DLG2: variants seen among roughly 807,000 people sequenced by gnomAD.
The protein encoded by DLG2 is discs large MAGUK scaffold protein 2, also known as disks large homolog 2.
A neutral mutation model predicts 132.5 loss-of-function variants in DLG2; 45 were observed. That is an observed-to-expected ratio of 0.34 (90% confidence interval 0.27 to 0.44). The LOEUF (loss-of-function observed/expected upper bound fraction) is 0.44, where lower values mean the gene tolerates loss of function less well. Among genes scored for constraint, DLG2 ranks in the 20% least tolerant of loss-of-function variants. DLG2 has a pLI of 1.00. For missense variants in DLG2, 1,045 were observed against 1,196.9 expected, an observed-to-expected ratio of 0.87 and a Z score of 1.87; for synonymous variants, 424 against 419.6, an observed-to-expected ratio of 1.01 and a Z score of -0.13.
intron 8 of DLG2, among the ~76,000 whole-genome samples, chr11:84,243,472 G>T (rs922618661): frequency 2.0e-5 from 3 of 152,174 alleles, no homozygotes; most frequent in African/African-American, 7.2e-5. Context: ...TATCTCAACT[G>T]CAGGCCAAAA....
chr11:85,078,760 T>G (rs535987007), intron 6 of DLG2, among the ~76,000 whole-genome samples: 1 of 152,074 alleles, frequency 6.6e-6, no homozygotes, highest in African/African-American at 2.4e-5. Flanking sequence ...TAGGTTAAGA[T>G]GAGAACTGAG....
chr11:85,410,405 T>C (rs12294860), intron 3 of DLG2, among the ~76,000 whole-genome samples: 3 of 151,758 alleles, frequency 2.0e-5, no homozygotes, highest in Non-Finnish European at 2.9e-5. Flanking sequence ...TAAGCCACTT[T>C]TGAGTAAAGT....
intron 21 of DLG2, among the ~76,000 whole-genome samples, chr11:83,531,636 C>G (rs1417384628): frequency 1.3e-5 from 2 of 151,978 alleles, no homozygotes; most frequent in Non-Finnish European, 2.9e-5. Flanking sequence ...CCAACAATCT[C>G]ACTCCTAGGC....
intron 6 of DLG2, among the ~76,000 whole-genome samples, chr11:84,639,764 T>A (rs956991363): frequency 6.6e-6 from 1 of 152,082 alleles, no homozygotes; most frequent in Admixed American, 6.6e-5. Flanking sequence ...TCATATCTGC[T>A]TTCTCAGTTC....
intron 3 of DLG2, among the ~76,000 whole-genome samples, chr11:85,371,707 T>C (rs778934500): frequency 6.6e-6 from 1 of 152,168 alleles, no homozygotes; most frequent in Non-Finnish European, 1.5e-5. Flanking sequence ...ATAACAGGGA[T>C]AGGAGCTCCA....
At chr11:84,957,874 T>C (rs185686980) in intron 6 of DLG2, among the ~76,000 whole-genome samples, 55 of 152,284 alleles carry the variant, frequency 3.6e-4, no homozygotes, top group Middle Eastern at 3.4e-3. Flanking sequence ...AAAGATACCA[T>C]ATTCATTGGT....
intron 8 of DLG2, among the ~76,000 whole-genome samples, chr11:84,241,985 G>A (rs780628555): frequency 2.6e-5 from 4 of 152,190 alleles, no homozygotes; most frequent in Non-Finnish European, 5.9e-5. Context: ...CTTTATGCTT[G>A]AGAAGCTACA....
In DLG2 at chr11:84,566,134, T is replaced by C. The variant is rs149694342; in HGVS notation, c.358-31403A>G. 9.1e-3 allele frequency among the ~76,000 whole-genome samples: 1,383 copies of C among 152,122 alleles called. 12 individuals carry two copies. The highest frequency in any genetic ancestry group is 0.015 in the Non-Finnish European group (1,024 of 67,980). On this transcript the variant is annotated intron_variant, in intron 6 of 27. Coordinates refer to ENST00000376104, the MANE Select transcript of DLG2 (RefSeq NM_001142699.3). ...CAACCACGCCCAGCTAATTTTTTTT[T>C]GTATTTTTACTAGAGATGGGGTTTC...
chr11:85,354,189 T>A (rs1446314137), intron 3 of DLG2, among the ~76,000 whole-genome samples: 1 of 152,074 alleles, frequency 6.6e-6, no homozygotes, highest in African/African-American at 2.4e-5. Flanking sequence ...CTTTCAATCT[T>A]TTAGTATCAT....
intron 6 of DLG2, among the ~76,000 whole-genome samples, chr11:84,786,032 G>A (rs959641964): frequency 2.6e-5 from 4 of 152,030 alleles, no homozygotes; most frequent in Non-Finnish European, 5.9e-5. Context: ...AAACACTACA[G>A]ATGTTCATAT....
intron 18 of DLG2, among the ~76,000 whole-genome samples, chr11:83,636,438 T>C (rs1369281519): frequency 3.3e-5 from 5 of 152,174 alleles, no homozygotes; most frequent in Non-Finnish European, 7.4e-5. Flanking sequence ...AATTGTCCAT[T>C]TTCATTTTTA....
intron 7 of DLG2, among the ~76,000 whole-genome samples, chr11:84,507,550 A>T (rs149231991): frequency 6.6e-6 from 1 of 152,176 alleles, no homozygotes; most frequent in East Asian, 1.9e-4. Context: ...TCTTGTTCCA[A>T]TTCACAAGGG....
chr11:84,168,010 A>G (rs1235411594), intron 8 of DLG2, among the ~76,000 whole-genome samples: 3 of 152,216 alleles, frequency 2.0e-5, no homozygotes. Flanking sequence ...CATATTATAA[A>G]AGTGCTGAAA....
At chr11:83,860,272 C>T (rs1355551140) in intron 16 of DLG2, among the ~76,000 whole-genome samples, 2 of 152,152 alleles carry the variant, frequency 1.3e-5, no homozygotes, top group Non-Finnish European at 2.9e-5. Context: ...CCTGAAGAAA[C>T]CGCAGACACT....
intron 3 of DLG2, among the ~76,000 whole-genome samples, chr11:85,583,157 T>C (rs940971132): frequency 8.2e-6 from 1 of 121,948 alleles, no homozygotes; most frequent in African/African-American, 3.1e-5. Context: ...TATATATATA[T>C]ATATATATAT....
rs140563249 is a variant in DLG2 at position 84,703,258 on chromosome 11, G to A, written c.358-168527C>T. On this transcript the variant is annotated intron_variant, in intron 6 of 27. Transcript: ENST00000376104. ...GCTGTCTTTACAAGAAAGACTGTTA[G>A]GTTCTACCATACAAATGAATCATGG... Among the ~76,000 whole-genome samples, 1,387 of 151,606 alleles carry A rather than the reference G, an allele frequency of 9.1e-3. 69 individuals carry two copies. The highest frequency in any genetic ancestry group is 0.082 in the Admixed American group (1,251 of 15,182).
At position 84,669,891 on chromosome 11, in the gene DLG2, G is replaced by GA; in HGVS notation, c.358-135161dup. Among the ~76,000 whole-genome samples, 3 of 152,272 alleles carry GA rather than the reference G, an allele frequency of 2.0e-5. No individual in the cohort carries two copies. In the Middle Eastern group the frequency reaches 0.01, roughly 518 times the overall value. On this transcript the variant is annotated intron_variant, in intron 6 of 27. Coordinates refer to ENST00000376104, the MANE Select transcript of DLG2 (RefSeq NM_001142699.3). The stretch of plus-strand genomic sequence containing the variant: ...CTGAAACCCTGGGAACTCGAAGAAA[G>GA]AGTAGCATTGAACTGACAAAGAAAG...
At chr11:85,493,130 G>A (rs1224643662) in intron 3 of DLG2, among the ~76,000 whole-genome samples, 1 of 152,146 alleles carries the variant, frequency 6.6e-6, no homozygotes, top group East Asian at 1.9e-4. Flanking sequence ...GGAGGTTTAT[G>A]AACTGAGTAC....
At chr11:85,038,948 G>C (rs906929020) in intron 6 of DLG2, among the ~76,000 whole-genome samples, 3 of 151,864 alleles carry the variant, frequency 2.0e-5, no homozygotes, top group African/African-American at 7.3e-5. Flanking sequence ...GAGATTATAT[G>C]AAATTTGACA....
Sources: allele counts gnomAD v4.1 joint callset (sites outside exome capture counted in the v4.1 genomes callset), GRCh38; gene constraint gnomAD v4.1.1; transcripts MANE v1.5; gene names NCBI Gene and HGNC (gene_info 2026-07-23, HGNC 2026-07-21).